The following PIP4K2A variants were observed in gnomAD, a reference collection of about 807,000 sequenced individuals.
PIP4K2A encodes the protein phosphatidylinositol 5-phosphate 4-kinase type-2 alpha.
PIP4K2A carries 14 observed loss-of-function variants against 42.9 expected under a neutral mutation model. The ratio of observed to expected loss-of-function variants is 0.33; its 90% CI spans 0.22 to 0.51. PIP4K2A has a LOEUF of 0.51. PIP4K2A is among the 20% of genes least tolerant of loss of function. The pLI, the probability that PIP4K2A is intolerant of heterozygous loss-of-function variation, is 0.97. For missense variants in PIP4K2A, 434 were observed against 519.8 expected (o/e 0.83, Z 1.61); for synonymous variants, 192 against 192.2 (o/e 1.00, Z 0.01).
chr10:22,549,662 A>G (rs1264793792), intron 7 of PIP4K2A, among the ~76,000 whole-genome samples: 1 of 151,908 alleles, frequency 6.6e-6, no homozygotes, highest in Non-Finnish European at 1.5e-5. Flanking sequence ...TAACACGGTG[A>G]AACCCCGTCT....
chr10:22,650,994 C>A (rs117215225), intron 1 of PIP4K2A, among the ~76,000 whole-genome samples: 1 of 152,208 alleles, frequency 6.6e-6, no homozygotes, highest in Non-Finnish European at 1.5e-5. Context: ...TGACAGCTCC[C>A]AGATTTGTAG....
intron 1 of PIP4K2A, among the ~76,000 whole-genome samples, chr10:22,660,318 A>C (rs1042339187): frequency 3.9e-5 from 6 of 152,036 alleles, no homozygotes; most frequent in African/African-American, 1.4e-4. Flanking sequence ...TAAAATATAA[A>C]AAATTAGCCG....
At chr10:22,604,248 A>G (rs138826603) in intron 3 of PIP4K2A, among the ~76,000 whole-genome samples, 13 of 152,256 alleles carry the variant, frequency 8.5e-5, no homozygotes, top group African/African-American at 2.6e-4. Context: ...ATTTATCTTA[A>G]AAACTTTTTA....
chr10:22,599,139 C>G (rs1325341324), intron 3 of PIP4K2A, among the ~76,000 whole-genome samples: 2 of 152,192 alleles, frequency 1.3e-5, no homozygotes, highest in Non-Finnish European at 1.5e-5. Flanking sequence ...GTTTCAAACT[C>G]CAAGCATTCT....
chr10:22,541,680 G>T, intron 8 of PIP4K2A, 124 bp downstream of exon 8: 1 of 1,092,156 alleles, frequency 9.2e-7, no homozygotes, highest in Non-Finnish European at 1.3e-6. Context: ...CCATTTCTTT[G>T]GAGTTTGGAG....
chr10:22,545,815 C>A (rs1305177993), intron 7 of PIP4K2A, among the ~76,000 whole-genome samples: 1 of 152,190 alleles, frequency 6.6e-6, no homozygotes, highest in African/African-American at 2.4e-5. Flanking sequence ...AGCAATCCTC[C>A]TGCCTCACCC....
chr10:22,563,267 A>G (rs979714372), intron 6 of PIP4K2A, among the ~76,000 whole-genome samples: 1 of 152,230 alleles, frequency 6.6e-6, no homozygotes, highest in Admixed American at 6.5e-5. Flanking sequence ...AAAGAAGGCT[A>G]GGGCACTGAA....
At chr10:22,558,548 G>A (rs1836609455) in intron 6 of PIP4K2A, among the ~76,000 whole-genome samples, 1 of 152,168 alleles carries the variant, frequency 6.6e-6, no homozygotes, top group East Asian at 1.9e-4. Context: ...AGTTCATACA[G>A]AAGTAGCAAA....
intron 1 of PIP4K2A, among the ~76,000 whole-genome samples, chr10:22,636,126 A>G (rs1349054695): frequency 6.6e-6 from 1 of 152,244 alleles, no homozygotes; most frequent in African/African-American, 2.4e-5. Flanking sequence ...AGAGGACTCC[A>G]CAATGGAGTC....
intron 8 of PIP4K2A, among the ~76,000 whole-genome samples, chr10:22,540,377 T>C (rs1321975599): frequency 6.6e-6 from 1 of 151,784 alleles, no homozygotes; most frequent in African/African-American, 2.4e-5. Context: ...TTTTTTTTTT[T>C]AATTTGCATT....
intron 6 of PIP4K2A, among the ~76,000 whole-genome samples, chr10:22,559,353 A>C (rs1836630355): frequency 6.6e-6 from 1 of 152,206 alleles, no homozygotes; most frequent in African/African-American, 2.4e-5. Context: ...GCAGTGCTCC[A>C]CGTGTGCTTG....
intron 4 of PIP4K2A, among the ~76,000 whole-genome samples, chr10:22,587,813 C>G (rs185652138): frequency 6.6e-6 from 1 of 152,356 alleles, no homozygotes; most frequent in East Asian, 1.9e-4. Flanking sequence ...ACAGCATTTA[C>G]TAAATGTAAA....
chr10:22,630,288 C>A (rs879349522), intron 1 of PIP4K2A, among the ~76,000 whole-genome samples: 3 of 151,936 alleles, frequency 2.0e-5, no homozygotes, highest in Non-Finnish European at 4.4e-5. Flanking sequence ...GGTAATGATA[C>A]AATGCCATTT....
At chr10:22,677,528 G>A (rs948986624) in intron 1 of PIP4K2A, among the ~76,000 whole-genome samples, 4 of 152,182 alleles carry the variant, frequency 2.6e-5, no homozygotes, top group South Asian at 2.1e-4. Flanking sequence ...CACGTGGCTC[G>A]TGGCTGCATG....
chr10:22,608,686 A>G (rs1837963085), intron 2 of PIP4K2A, among the ~76,000 whole-genome samples: 1 of 152,148 alleles, frequency 6.6e-6, no homozygotes, highest in Admixed American at 6.5e-5. Context: ...AGCCTGGGGA[A>G]CATAGTGAGA....
intron 1 of PIP4K2A, among the ~76,000 whole-genome samples, chr10:22,668,697 G>A (rs1426358064): frequency 6.6e-6 from 1 of 152,184 alleles, no homozygotes; most frequent in Non-Finnish European, 1.5e-5. Context: ...TACTATGCAT[G>A]TGGATCAATG....
At chr10:22,659,059 TA>T (rs1839154804) in intron 1 of PIP4K2A, among the ~76,000 whole-genome samples, 1 of 152,184 alleles carries the variant, frequency 6.6e-6, no homozygotes, top group African/African-American at 2.4e-5. Flanking sequence ...TTGGGACTAG[TA>T]ATCTTGGTTT....
chr10:22,674,680 G>A (rs948177872), intron 1 of PIP4K2A, among the ~76,000 whole-genome samples: 4 of 151,984 alleles, frequency 2.6e-5, no homozygotes, highest in Non-Finnish European at 5.9e-5. Flanking sequence ...AGTGATTCAT[G>A]CCTGTAATCC....
At chr10:22,680,169 T>C (rs1839632161) in intron 1 of PIP4K2A, among the ~76,000 whole-genome samples, 1 of 152,148 alleles carries the variant, frequency 6.6e-6, no homozygotes, top group South Asian at 2.1e-4. Context: ...TTTTGAATTA[T>C]GTGGATTTTT....
Sources: gnomAD v4.1 joint callset for allele counts (sites outside exome capture counted in the v4.1 genomes callset) on GRCh38, gnomAD v4.1.1 for gene constraint, MANE v1.5 for transcripts, NCBI Gene and HGNC (gene_info 2026-07-23, HGNC 2026-07-21) for gene names.